The following GLB1 variants were observed in gnomAD, a reference collection of about 807,000 sequenced individuals.
GLB1 encodes galactosidase beta 1.
Under a neutral mutation model 74.0 loss-of-function variants are expected in GLB1, and 56 were observed. The ratio of observed to expected loss-of-function variants is 0.76; its 90% CI spans 0.61 to 0.94. The LOEUF (loss-of-function observed/expected upper bound fraction) is 0.94, where lower values mean the gene tolerates loss of function less well. GLB1 is among the 40% of genes least tolerant of loss of function. The pLI is 0.00. For synonymous variants in GLB1, 323 were observed against 323.6 expected, an observed-to-expected ratio of 1.00 and a Z score of 0.02; for missense variants, 787 against 845.5, an observed-to-expected ratio of 0.93 and a Z score of 0.86.
intron 15 of GLB1, among the ~76,000 whole-genome samples, chr3:33,001,061 CCTT>C (rs1473649367): frequency 1.3e-5 from 2 of 151,948 alleles, no homozygotes; most frequent in South Asian, 2.1e-4. Flanking sequence ...CTCCTTTCCT[CCTT>C]GTGTCTGCCG....
rs370674650 is a variant in GLB1 at position 33,042,512 on chromosome 3, C to T, written c.1068+3608G>A. Among the ~76,000 whole-genome samples, 142 of 151,566 alleles carry T rather than the reference C, an allele frequency of 9.4e-4. No homozygotes were observed. In the East Asian group the frequency reaches 0.018, roughly 19 times the overall value. The stretch of plus-strand genomic sequence containing the variant: ...CCTCCGGAGTAGCTGGGACTACAGG[C>T]GCCCGCCACTATGCCCGGCTAATTT... On this transcript the variant is annotated intron_variant, in intron 10 of 15. Transcript: ENST00000307363.
chr3:33,021,085 T>C lies in GLB1; in HGVS notation c.1233+481A>G, dbSNP rs1482668397. On this transcript the variant is annotated intron_variant, in intron 12 of 15. Transcript: ENST00000307363. The stretch of plus-strand genomic sequence containing the variant: ...TCTGGAGATCAAACACATACACATA[T>C]ACAAACACTGAAAAAAAAAAAAAAA... Among the ~76,000 whole-genome samples the C allele has an allele frequency of 7.1e-4, 82 of 115,260 alleles. 1 individual carries two copies. The highest frequency in any genetic ancestry group is 2.4e-3 in the Admixed American group (25 of 10,374). The allele number at this position is 115,260 out of a possible 152,430, so 75.6% of individuals were successfully genotyped here.
chr3:32,973,090 C>T, the GLB1 span, among the ~76,000 whole-genome samples: 2 of 152,336 alleles, frequency 1.3e-5, no homozygotes, highest in South Asian at 2.1e-4. Flanking sequence ...CCCTCACCCA[C>T]GAAATGCTTA....
At chr3:32,982,745 A>G in the GLB1 span, among the ~76,000 whole-genome samples, 1 of 152,094 alleles carries the variant, frequency 6.6e-6, no homozygotes, top group Non-Finnish European at 1.5e-5. Flanking sequence ...ATATCCTAGA[A>G]CTTTCTAGAA....
chr3:33,072,439 T>C, intron 2 of GLB1, 105 bp downstream of exon 2: 1 of 1,545,966 alleles, frequency 6.5e-7, no homozygotes, highest in East Asian at 2.4e-5. Context: ...CTGGACCATT[T>C]CCCATTTCTG....
rs1255172812 is a variant in GLB1 at position 33,031,611 on chromosome 3, C to CA, written c.1069-7287dup. ...TGGGTGACAGAGCAAGGCTCTGTCT[C>CA]AAAAAAAAAAAAAAAAAAAAAAAAA... is the stretch of plus-strand genomic sequence containing the variant. On this transcript the variant is annotated intron_variant, in intron 10 of 15. Transcript: ENST00000307363. 4.5e-4 allele frequency among the ~76,000 whole-genome samples: 10 copies of CA among 22,050 alleles called. 1 individual carries two copies. The highest frequency in any genetic ancestry group is 1.0e-3 in the East Asian group (1 of 966). 14.5% of individuals were successfully genotyped at this position (22,050 alleles called of 152,430 possible). A position where few individuals can be genotyped will look rare whatever the true frequency, so the allele number is the denominator to read the frequency against.
chr3:33,000,286 T>A (rs1484637909), intron 15 of GLB1, among the ~76,000 whole-genome samples: 1 of 152,220 alleles, frequency 6.6e-6, no homozygotes, highest in Non-Finnish European at 1.5e-5. Flanking sequence ...ATGGAATTGC[T>A]GGGTCATGGG....
Position 33,051,809 on chromosome 3 carries a change from A to G in GLB1, c.915-11T>C. On this transcript the variant is annotated splice_polypyrimidine_tract_variant and intron_variant, in intron 8 of 15. Coordinates refer to ENST00000307363, the MANE Select transcript of GLB1 (RefSeq NM_000404.4). ...CCTATAAACATGTACCTACAAGGAA[A>G]CAAAAGAACACGGTACTTCACTGTG... is the stretch of plus-strand genomic sequence containing the variant. 1 of 1,614,182 alleles carries G rather than the reference A, an allele frequency of 6.2e-7. No individual in the cohort carries two copies. Among genetic ancestry groups the G allele is most frequent in the Non-Finnish European group, 8.5e-7 (1 of 1,180,024 alleles).
chr3:33,010,105 T>C (rs1696960830), intron 15 of GLB1, among the ~76,000 whole-genome samples: 7 of 152,238 alleles, frequency 4.6e-5, no homozygotes, highest in Admixed American at 3.9e-4. Flanking sequence ...CTTGTGTATA[T>C]ACCTAGGAGC....
chr3:33,036,430 G>C (rs1698279673), intron 10 of GLB1, among the ~76,000 whole-genome samples: 2 of 152,142 alleles, frequency 1.3e-5, no homozygotes, highest in Admixed American at 1.3e-4. Flanking sequence ...TTTAAAACTT[G>C]ATTTGATTTT....
At chr3:32,990,427 G>T in the GLB1 span, among the ~76,000 whole-genome samples, 2 of 152,174 alleles carry the variant, frequency 1.3e-5, no homozygotes, top group African/African-American at 4.8e-5. Context: ...GGCAAGAAAT[G>T]TGTCCTACAC....
chr3:33,061,035 G>A (rs141418602), intron 5 of GLB1, among the ~76,000 whole-genome samples: 155 of 152,280 alleles, frequency 1.0e-3, no homozygotes, highest in Non-Finnish European at 1.7e-3. Flanking sequence ...AAATGAAAAG[G>A]CTTGAAAAAC....
intron 1 of GLB1, among the ~76,000 whole-genome samples, chr3:33,083,035 T>TA (rs1354201610): frequency 1.3e-5 from 2 of 151,652 alleles, no homozygotes; most frequent in African/African-American, 4.8e-5. Context: ...GTTACGGACC[T>TA]AAAAAAAAGA....
intron 1 of GLB1, among the ~76,000 whole-genome samples, chr3:33,083,106 A>T (rs563766340): frequency 6.6e-6 from 1 of 152,148 alleles, no homozygotes; most frequent in East Asian, 1.9e-4. Flanking sequence ...GATCAAAAAA[A>T]GTGGGAATAG....
Position 33,093,066 on chromosome 3 carries a change from G to C in GLB1, c.75+3945C>G, listed in dbSNP as rs1334607857. ...GTTAATATCTGGCCGAGCCTGGAGA[G>C]CTCTCTTGGCAGCCAGGGGCTGGTG... On this transcript the variant is annotated intron_variant, in intron 1 of 15. Coordinates refer to ENST00000307363, the MANE Select transcript of GLB1 (RefSeq NM_000404.4). The surrounding 1 kb of genome is among the most constrained non-coding windows in gnomAD (Gnocchi z 6.0). The C allele has an allele frequency of 5.6e-6, 9 of 1,614,116 alleles. No individual in the cohort carries two copies. Among genetic ancestry groups the C allele is most frequent in the Non-Finnish European group, 7.6e-6 (9 of 1,180,042 alleles).
chr3:32,979,258 A>G, the GLB1 span, among the ~76,000 whole-genome samples: 1 of 152,058 alleles, frequency 6.6e-6, no homozygotes, highest in African/African-American at 2.4e-5. Flanking sequence ...TTACAGTCAC[A>G]TTCATTGTTT....
chr3:33,011,870 C>G (rs777254615), intron 15 of GLB1, among the ~76,000 whole-genome samples: 5 of 152,072 alleles, frequency 3.3e-5, no homozygotes, highest in Non-Finnish European at 7.3e-5. Flanking sequence ...TATTCCTTAC[C>G]CTGGTCTTCT....
At chr3:32,982,651 C>T in the GLB1 span, among the ~76,000 whole-genome samples, 2 of 152,188 alleles carry the variant, frequency 1.3e-5, no homozygotes, top group East Asian at 3.9e-4. Context: ...GGTCCAATAA[C>T]CATTTTTACT....
intron 10 of GLB1, among the ~76,000 whole-genome samples, chr3:33,044,796 T>C (rs1189106023): frequency 6.6e-6 from 1 of 152,186 alleles, no homozygotes; most frequent in Non-Finnish European, 1.5e-5. Flanking sequence ...CTTTGTTTTT[T>C]TAACTTCAAA....
Sources: gnomAD v4.1 joint callset for allele counts (sites outside exome capture counted in the v4.1 genomes callset) on GRCh38, gnomAD v4.1.1 for gene constraint, Gnocchi (gnomAD v3.1) non-coding constraint, MANE v1.5 for transcripts, NCBI Gene and HGNC (gene_info 2026-07-23, HGNC 2026-07-21) for gene names.